PCDHA1: variants seen among roughly 807,000 people sequenced by gnomAD.
The protein encoded by PCDHA1 is protocadherin alpha-1.
PCDHA1 carries 42 observed loss-of-function variants against 61.3 expected under a neutral mutation model. The observed-to-expected ratio is 0.69, with a 90% CI of 0.54 to 0.89. The LOEUF (loss-of-function observed/expected upper bound fraction) is 0.89, where lower values mean the gene tolerates loss of function less well. PCDHA1 is among the 40% of genes least tolerant of loss of function. PCDHA1 has a pLI of 0.00. For missense variants in PCDHA1, 1,256 were observed against 1,235.3 expected (o/e 1.02, Z -0.25); for synonymous variants, 610 against 553.8 (o/e 1.10, Z -1.43).
Position 140,821,900 on chromosome 5 carries a change from C to G in PCDHA1, c.2394+33216C>G, listed in dbSNP as rs2150111777. 5 of 1,614,206 alleles carry G rather than the reference C, an allele frequency of 3.1e-6. No individual in the cohort carries two copies. Among genetic ancestry groups the G allele is most frequent in the African/African-American group, 1.3e-5 (1 of 75,068 alleles). ...ATCCCGGAGGAAGCCAAACACGGAACCTTCGTTGGCCGCATCGCGCAGGAC... is the reference window on the plus strand; with the variant it reads ...ATCCCGGAGGAAGCCAAACACGGAAGCTTCGTTGGCCGCATCGCGCAGGAC... On this transcript the variant is annotated intron_variant, in intron 1 of 3. Transcript: ENST00000504120.
chr5:140,838,280 A>ATTTTTTTTTT (rs34299325), intron 1 of PCDHA1, among the ~76,000 whole-genome samples: 1 of 139,572 alleles, frequency 7.2e-6, no homozygotes, highest in African/African-American at 2.7e-5. Flanking sequence ...AGCCATGCTA[A>ATTTTTTTTTT]TTTTTTTTTT....
chr5:140,808,714 G>C (rs782290145), intron 1 of PCDHA1: 13 of 1,611,982 alleles, frequency 8.1e-6, no homozygotes, highest in Admixed American at 5.0e-5. Flanking sequence ...GCTACGTTTC[G>C]GTGCATGCGG....
At chr5:140,870,838 C>T (rs1554164743) in intron 1 of PCDHA1, 4 of 1,613,700 alleles carry the variant, frequency 2.5e-6, no homozygotes, top group Admixed American at 3.3e-5. Context: ...AGTTAACAAG[C>T]TAGTACCGCG....
At chr5:140,884,049 TGC>T (rs1554181152) in intron 1 of PCDHA1, 1 of 1,613,414 alleles carries the variant, frequency 6.2e-7, no homozygotes. Context: ...GTGGCGAAGG[TGC>T]GCGCGGTGGA....
chr5:140,970,405 C>T (rs1361647284), intron 1 of PCDHA1, among the ~76,000 whole-genome samples: 1 of 152,120 alleles, frequency 6.6e-6, no homozygotes, highest in Non-Finnish European at 1.5e-5. Flanking sequence ...GATGGCTTAC[C>T]CTACAGTAAG....
intron 2 of PCDHA1, among the ~76,000 whole-genome samples, chr5:140,979,895 T>G (rs1460432451): frequency 6.6e-6 from 1 of 152,222 alleles, no homozygotes; most frequent in Non-Finnish European, 1.5e-5. Context: ...TTCACCAAAC[T>G]TAGATCAGTT....
chr5:140,850,233 A>C lies in PCDHA1; in HGVS notation c.2394+61549A>C, dbSNP rs2150474794. The C allele has an allele frequency of 2.5e-6, 4 of 1,593,908 alleles. No individual in the cohort carries two copies. In the South Asian group the frequency reaches 4.4e-5, roughly 18 times the overall value. On this transcript the variant is annotated intron_variant, in intron 1 of 3. Transcript: ENST00000504120. The stretch of plus-strand genomic sequence containing the variant: ...GGGCACTGACGGCGCAGTGAGCGAG[A>C]TGGTGCTGCGGTCGGTGGGCGCCGG...
intron 1 of PCDHA1, among the ~76,000 whole-genome samples, chr5:140,919,536 C>A (rs1554199151): frequency 6.6e-6 from 1 of 151,864 alleles, no homozygotes; most frequent in Admixed American, 6.6e-5. Context: ...TTTTCCTATA[C>A]TTTTCATTTA....
intron 1 of PCDHA1, chr5:140,829,830 T>G (rs1562311801): frequency 6.2e-7 from 1 of 1,613,772 alleles, no homozygotes; most frequent in East Asian, 2.2e-5. Context: ...GTGAGCGAGC[T>G]GGTGCCGCGG....
chr5:140,929,064 T>A (rs550251743), intron 1 of PCDHA1: 1 of 1,614,162 alleles, frequency 6.2e-7, no homozygotes, highest in South Asian at 1.1e-5. Context: ...CTACAGAGGA[T>A]CTGAGGTATG....
At chr5:140,928,752 T>C (rs781823494) in intron 1 of PCDHA1, 3 of 1,614,208 alleles carry the variant, frequency 1.9e-6, no homozygotes, top group Non-Finnish European at 2.5e-6. Context: ...AGCTCCGTAC[T>C]GCTCGCTTAG....
At chr5:140,809,638 T>C in intron 1 of PCDHA1, 2 of 1,504,738 alleles carry the variant, frequency 1.3e-6, no homozygotes, top group Non-Finnish European at 1.8e-6. Context: ...CTTCGTAAAT[T>C]TATTTCTAAG....
chr5:140,791,840 A>G (rs1242486234), intron 1 of PCDHA1, among the ~76,000 whole-genome samples: 1 of 152,030 alleles, frequency 6.6e-6, no homozygotes, highest in Non-Finnish European at 1.5e-5. Context: ...GGGGTCTTCT[A>G]GTAGTTTTGT....
Position 141,012,131 on chromosome 5 carries a change from G to A in PCDHA1, c.*2194G>A, listed in dbSNP as rs1214098938. The A allele has an allele frequency of 1.3e-5, 2 of 153,688 alleles. No individual in the cohort carries two copies. The highest frequency in any genetic ancestry group is 2.9e-5 in the Non-Finnish European group (2 of 68,026). 9.5% of individuals were successfully genotyped at this position (153,688 alleles called of 1,614,324 possible). A position where few individuals can be genotyped will look rare whatever the true frequency, so the allele number is the denominator to read the frequency against. ...CTGAAGCCCATGTATCTGACCTTAC[G>A]TGCCTTTTGAACTAGGAGAATCGGG... On this transcript the variant is annotated 3_prime_UTR_variant, in exon 4 of 4. Transcript: ENST00000504120.
At chr5:140,875,277 G>T in intron 1 of PCDHA1, 1 of 1,315,080 alleles carries the variant, frequency 7.6e-7, no homozygotes, top group African/African-American at 1.5e-5. Context: ...CACTCAGAAG[G>T]TGAAACAGGA....
chr5:140,937,219 T>C lies in PCDHA1; in HGVS notation c.2395-41730T>C, dbSNP rs555881657. Among the ~76,000 whole-genome samples the C allele has an allele frequency of 5.4e-3, 826 of 151,832 alleles. 4 individuals are homozygous for C. Among genetic ancestry groups the C allele is most frequent in the African/African-American group, 0.019 (796 of 41,458 alleles). ...TGCCCGGCTAATTTTTTGTATTTTT[T>C]GTAGAGACGGGGTTTCACCGTGTTA... On this transcript the variant is annotated intron_variant, in intron 1 of 3. Coordinates refer to ENST00000504120, the MANE Select transcript of PCDHA1 (RefSeq NM_018900.4).
At position 140,842,682 on chromosome 5, in the gene PCDHA1, C is replaced by T. The variant is rs2150341934; in HGVS notation, c.2394+53998C>T. The stretch of plus-strand genomic sequence containing the variant: ...GCCGACGTGAACGACAATGCTCCGG[C>T]GTTCGCGCAGCCCGAGTACACGGTG... On this transcript the variant is annotated intron_variant, in intron 1 of 3. Coordinates refer to ENST00000504120, the MANE Select transcript of PCDHA1 (RefSeq NM_018900.4). 2.1e-5 allele frequency: 34 copies of T among 1,595,356 alleles called. 3 individuals are homozygous for T. The Middle Eastern group carries it at 5.3e-4, about 25-fold the overall frequency.
intron 1 of PCDHA1, chr5:140,797,409 T>C (rs1554120432): frequency 6.5e-7 from 1 of 1,527,102 alleles, no homozygotes; most frequent in Non-Finnish European, 9.0e-7. Context: ...AAAAATTCTA[T>C]ATGATTTCTA....
intron 1 of PCDHA1, among the ~76,000 whole-genome samples, chr5:140,943,257 C>CAAA (rs1238620023): frequency 1.0e-4 from 8 of 76,640 alleles, no homozygotes; most frequent in Admixed American, 6.0e-4. Context: ...GACTCTGTCT[C>CAAA]AAAAAAAAAA....
Sources: gnomAD v4.1 joint callset for allele counts (sites outside exome capture counted in the v4.1 genomes callset) on GRCh38, gnomAD v4.1.1 for gene constraint, MANE v1.5 for transcripts, NCBI Gene and HGNC (gene_info 2026-07-23, HGNC 2026-07-21) for gene names.